Variants in MPP7 observed in about 807,000 individuals in gnomAD.
MPP7 encodes the protein MAGUK p55 subfamily member 7.
Under a neutral mutation model 76.5 loss-of-function variants are expected in MPP7, and 60 were observed. That is an observed-to-expected ratio of 0.78 (90% confidence interval 0.64 to 0.97). The LOEUF (loss-of-function observed/expected upper bound fraction) is 0.97, where lower values mean the gene tolerates loss of function less well. MPP7 is among the 50% of genes least tolerant of loss of function. MPP7 has a pLI of 0.00. For synonymous variants in MPP7, 237 were observed against 244.5 expected (o/e 0.97, Z 0.29); for missense variants, 641 against 694.0 (o/e 0.92, Z 0.86).
intron 1 of MPP7, among the ~76,000 whole-genome samples, chr10:28,240,067 A>G (rs953237196): frequency 1.3e-5 from 2 of 152,158 alleles, no homozygotes; most frequent in African/African-American, 4.8e-5. Context: ...TTAAATTTGG[A>G]TCACCCCTGG....
At chr10:28,057,809 C>T in intron 15 of MPP7, 1 of 1,284,918 alleles carries the variant, frequency 7.8e-7, no homozygotes, top group Non-Finnish European at 1.0e-6. Context: ...AGGTTTTGCA[C>T]CCCAGGGTAC....
intron 2 of MPP7, among the ~76,000 whole-genome samples, chr10:28,316,831 G>A (rs922554303): frequency 5.3e-5 from 8 of 152,234 alleles, no homozygotes; most frequent in East Asian, 1.9e-4. Context: ...TGCCTTTAAC[G>A]TGACTCAGCT....
intron 2 of MPP7, among the ~76,000 whole-genome samples, chr10:28,212,551 C>T (rs1838174327): frequency 6.6e-6 from 1 of 152,132 alleles, no homozygotes; most frequent in Non-Finnish European, 1.5e-5. Flanking sequence ...CCCTGGGAAT[C>T]ACTGGCACAT....
chr10:28,125,865 G>C (rs1835001582), intron 6 of MPP7, among the ~76,000 whole-genome samples: 1 of 152,166 alleles, frequency 6.6e-6, no homozygotes, highest in African/African-American at 2.4e-5. Flanking sequence ...CTGCTGCCTT[G>C]TAAGAACAAC....
At chr10:28,313,874 TTATTTTTTTTTGGTAGAGACAGGG>T (rs1841304777) in intron 2 of MPP7, among the ~76,000 whole-genome samples, 2 of 46,274 alleles carry the variant, frequency 4.3e-5, no homozygotes, top group Admixed American at 2.4e-4. Flanking sequence ...TTTATTTTTT[TTATTTTTTTTTGGTAGAGACAGGG>T]TTTTGCCATG....
At chr10:28,124,277 C>T (rs1015357568) in intron 7 of MPP7, among the ~76,000 whole-genome samples, 161 bp from the exon 8 acceptor site, 3 of 152,102 alleles carry the variant, frequency 2.0e-5, no homozygotes, top group Non-Finnish European at 4.4e-5. Context: ...TATGCCTCTC[C>T]ATAGCAGTGA....
intron 12 of MPP7, among the ~76,000 whole-genome samples, chr10:28,089,283 T>C (rs1476394532): frequency 4.6e-5 from 7 of 152,208 alleles, no homozygotes; most frequent in Non-Finnish European, 1.0e-4. Flanking sequence ...TGTAATACTT[T>C]ATTTCACTGA....
chr10:28,224,359 TAA>T (rs56223552), intron 2 of MPP7, among the ~76,000 whole-genome samples: 7 of 141,930 alleles, frequency 4.9e-5, no homozygotes, highest in African/African-American at 1.5e-4. Flanking sequence ...ATATCAAAGT[TAA>T]AAAAAAAAAA....
intron 2 of MPP7, among the ~76,000 whole-genome samples, chr10:28,329,630 C>CAAAAA (rs10547710): frequency 9.4e-6 from 1 of 106,250 alleles, no homozygotes; most frequent in East Asian, 3.4e-4. Flanking sequence ...GACTCCGTCT[C>CAAAAA]AAAAAAAAAA....
intron 2 of MPP7, among the ~76,000 whole-genome samples, chr10:28,212,838 G>C (rs532897880): frequency 7.7e-4 from 118 of 152,328 alleles, no homozygotes; most frequent in Non-Finnish European, 1.4e-3. Flanking sequence ...GCAGGGTACT[G>C]ACTACCTTTG....
chr10:28,302,671 C>T (rs1564767000), intron 1 of MPP7, among the ~76,000 whole-genome samples, 190 bp downstream of exon 1: 1 of 151,898 alleles, frequency 6.6e-6, no homozygotes, highest in Non-Finnish European at 1.5e-5. Context: ...CCCGGCCCCG[C>T]CCCCACCTCC....
intron 5 of MPP7, among the ~76,000 whole-genome samples, chr10:28,141,380 C>A (rs1191242452): frequency 6.6e-6 from 1 of 151,682 alleles, no homozygotes; most frequent in Non-Finnish European, 1.5e-5. Context: ...CATATCAAGG[C>A]AATAAGGTAA....
intron 15 of MPP7, 34 bp downstream of exon 15, chr10:28,058,461 C>A: frequency 2.5e-6 from 3 of 1,208,444 alleles, no homozygotes; most frequent in South Asian, 2.8e-5. Flanking sequence ...TGACATGGGT[C>A]AGAAGGGTAT....
chr10:28,259,743 C>A (rs1294150350), intron 1 of MPP7, among the ~76,000 whole-genome samples: 2 of 152,012 alleles, frequency 1.3e-5, no homozygotes, highest in Non-Finnish European at 2.9e-5. Flanking sequence ...CTTTGGGAGG[C>A]TGAGGTGGGA....
intron 1 of MPP7, among the ~76,000 whole-genome samples, chr10:28,276,645 G>A (rs1430838926): frequency 2.0e-5 from 3 of 152,074 alleles, no homozygotes; most frequent in East Asian, 1.9e-4. Flanking sequence ...ACATGGGTGC[G>A]TTTGTTTTCA....
intron 12 of MPP7, among the ~76,000 whole-genome samples, chr10:28,076,428 AC>A (rs1852484909): frequency 6.6e-6 from 1 of 152,208 alleles, no homozygotes; most frequent in Admixed American, 6.5e-5. Flanking sequence ...TCTAAAACTC[AC>A]TTTTTCAAAT....
chr10:28,254,936 G>A (rs1293508106), intron 1 of MPP7: 1 of 152,166 alleles, frequency 6.6e-6, no homozygotes. Flanking sequence ...GCTACAGACC[G>A]TGGATGTGAA....
chr10:28,333,846 T>C (rs1834492196), intron 1 of MPP7, among the ~76,000 whole-genome samples: 1 of 152,172 alleles, frequency 6.6e-6, no homozygotes, highest in South Asian at 2.1e-4. Context: ...CAGATGTAGA[T>C]GAAAAATTTG....
chr10:28,211,977 C>T (rs889193239), intron 2 of MPP7, among the ~76,000 whole-genome samples: 4 of 151,988 alleles, frequency 2.6e-5, no homozygotes, highest in African/African-American at 9.7e-5. Context: ...CAGCCAGGCG[C>T]AGTGGCTCGC....
Sources: allele counts gnomAD v4.1 joint callset (sites outside exome capture counted in the v4.1 genomes callset), GRCh38; gene constraint gnomAD v4.1.1; transcripts MANE v1.5; gene names NCBI Gene and HGNC (gene_info 2026-07-23, HGNC 2026-07-21).